The following PAK5 variants were observed in gnomAD, a reference collection of about 807,000 sequenced individuals.
PAK5 encodes the protein p21 (RAC1) activated kinase 5.
A neutral mutation model predicts 65.9 loss-of-function variants in PAK5; 16 were observed. The ratio of observed to expected loss-of-function variants is 0.24; its 90% CI spans 0.16 to 0.37. The LOEUF is 0.37. Ranked by LOEUF, PAK5 falls within the 10% of genes least tolerant of loss-of-function variation. The pLI is 1.00. For synonymous variants in PAK5, 371 were observed against 354.9 expected (o/e 1.05, Z -0.51); for missense variants, 785 against 903.9 (o/e 0.87, Z 1.69).
At chr20:9,554,226 C>A (rs542776241) in intron 7 of PAK5, among the ~76,000 whole-genome samples, 1 of 152,328 alleles carries the variant, frequency 6.6e-6, no homozygotes, top group South Asian at 2.1e-4. Flanking sequence ...GACTCTAAAC[C>A]CCTGCCCCCT....
intron 1 of PAK5, among the ~76,000 whole-genome samples, chr20:9,823,479 C>T (rs1446165124): frequency 6.6e-6 from 1 of 152,160 alleles, no homozygotes; most frequent in Non-Finnish European, 1.5e-5. Context: ...TTCCCCCATA[C>T]TGTTCTCTTG....
intron 3 of PAK5, among the ~76,000 whole-genome samples, chr20:9,621,776 G>A (rs548521809): frequency 3.0e-4 from 46 of 152,302 alleles, no homozygotes; most frequent in Admixed American, 2.6e-4. Flanking sequence ...CTCATGCAGC[G>A]GGGCCTGCGG....
chr20:9,605,021 T>G (rs2046427159), intron 3 of PAK5, among the ~76,000 whole-genome samples: 1 of 152,212 alleles, frequency 6.6e-6, no homozygotes, highest in South Asian at 2.1e-4. Context: ...TGTGAGGAGA[T>G]TCCAGAAAGC....
chr20:9,732,207 T>A (rs1349128626), intron 1 of PAK5, among the ~76,000 whole-genome samples: 3 of 152,072 alleles, frequency 2.0e-5, no homozygotes, highest in Non-Finnish European at 4.4e-5. Context: ...AAAAAAGTTT[T>A]AACAGCTTAA....
In PAK5 at chr20:9,690,750, C is replaced by CTTT. The variant is rs112955560; in HGVS notation, c.-12+20533_-12+20535dup. On this transcript the variant is annotated intron_variant, in intron 2 of 9. Coordinates refer to ENST00000353224, the MANE Select transcript of PAK5 (RefSeq NM_177990.4). ...TCAGCATTTCTTTCTTTCTTTCTTT[C>CTTT]TTTTTTTTTTTTTTTTTTTTTGAGA... 1.4e-3 allele frequency among the ~76,000 whole-genome samples: 149 copies of CTTT among 103,910 alleles called. 2 individuals carry two copies. The South Asian group carries it at 0.019, about 13-fold the overall frequency. The allele number at this position is 103,910 out of a possible 152,430, so 68.2% of individuals were successfully genotyped here.
intron 1 of PAK5, among the ~76,000 whole-genome samples, chr20:9,730,977 C>T (rs1176496872): frequency 6.6e-6 from 1 of 152,128 alleles, no homozygotes; most frequent in African/African-American, 2.4e-5. Flanking sequence ...CAGTGAGGTC[C>T]AGTGAACACT....
At chr20:9,726,140 T>C (rs1048898912) in intron 1 of PAK5, among the ~76,000 whole-genome samples, 1 of 152,122 alleles carries the variant, frequency 6.6e-6, no homozygotes, top group Non-Finnish European at 1.5e-5. Context: ...CTCTCTGATT[T>C]TGTGATGTTT....
At chr20:9,558,598 G>C (rs372630339) in intron 6 of PAK5, among the ~76,000 whole-genome samples, 3 of 152,082 alleles carry the variant, frequency 2.0e-5, no homozygotes, top group Non-Finnish European at 4.4e-5. Flanking sequence ...CAGTTTTCAA[G>C]GCTGAGCTCA....
In PAK5 at chr20:9,733,306, G is replaced by A. The variant is rs557390470; in HGVS notation, c.-161-21871C>T. ...TATTCAGCTTTATTGAGGTATAATT[G>A]ATAATTTATGTATACATTGTGAATT... On this transcript the variant is annotated intron_variant, in intron 1 of 9. Transcript: ENST00000353224. Among the ~76,000 whole-genome samples the A allele has an allele frequency of 3.2e-4, 49 of 152,254 alleles. No individual in the cohort carries two copies. In the South Asian group the frequency reaches 1.0e-2, roughly 31 times the overall value.
At chr20:9,694,320 TTGTG>T (rs35457999) in intron 2 of PAK5, among the ~76,000 whole-genome samples, 38,811 of 148,156 alleles carry the variant, frequency 0.26, 5,874 homozygotes, top group African/African-American at 0.43. Flanking sequence ...GTGTGTGTGT[TTGTG>T]TGTGTGTGTG....
intron 3 of PAK5, among the ~76,000 whole-genome samples, chr20:9,609,825 G>A (rs932928962): frequency 6.6e-6 from 1 of 152,138 alleles, no homozygotes; most frequent in Non-Finnish European, 1.5e-5. Context: ...AAATTCAAAT[G>A]GATCCTCAAA....
At chr20:9,794,879 A>G (rs557040348) in intron 1 of PAK5, among the ~76,000 whole-genome samples, 1 of 152,106 alleles carries the variant, frequency 6.6e-6, no homozygotes, top group South Asian at 2.1e-4. Flanking sequence ...GATCCCCTGG[A>G]TGGCTTTTCT....
At chr20:9,822,957 A>G (rs1042397409) in intron 1 of PAK5, among the ~76,000 whole-genome samples, 3 of 152,212 alleles carry the variant, frequency 2.0e-5, no homozygotes, top group African/African-American at 4.8e-5. Flanking sequence ...TAATTTTGGC[A>G]GCCTTTCTGC....
chr20:9,552,858 C>T (rs2045450466), intron 7 of PAK5, among the ~76,000 whole-genome samples: 1 of 151,712 alleles, frequency 6.6e-6, no homozygotes, highest in Non-Finnish European at 1.5e-5. Context: ...GGTGCTAGGA[C>T]TACAGACAAA....
rs770242489 is a variant in PAK5 at position 9,539,464 on chromosome 20, AGTG to A, written c.2155_2157del (p.His719del). On this transcript the variant is annotated inframe_deletion, in exon 10 of 10. Coordinates refer to ENST00000353224, the MANE Select transcript of PAK5 (RefSeq NM_177990.4). ...TGCCACCTACACGAATCCTCTGCTC[AGTG>A]ATGCCTGTATTGTCTCATGAGGGGG... 7.4e-6 allele frequency: 12 copies of A among 1,613,790 alleles called. No homozygotes were observed. The highest frequency in any genetic ancestry group is 1.0e-5 in the Non-Finnish European group (12 of 1,179,754).
At chr20:9,563,535 C>T (rs1010166257) in intron 5 of PAK5, among the ~76,000 whole-genome samples, 2 of 152,064 alleles carry the variant, frequency 1.3e-5, no homozygotes, top group African/African-American at 4.8e-5. Flanking sequence ...GGTTGAACTT[C>T]AGAGATATTT....
At chr20:9,783,360 A>G (rs1248961447) in intron 1 of PAK5, among the ~76,000 whole-genome samples, 1 of 152,166 alleles carries the variant, frequency 6.6e-6, no homozygotes, top group Non-Finnish European at 1.5e-5. Context: ...TTATCAATCA[A>G]TCAAGAGAAT....
chr20:9,830,006 TGG>T (rs760788918), intron 1 of PAK5, among the ~76,000 whole-genome samples: 3 of 152,120 alleles, frequency 2.0e-5, no homozygotes, highest in Non-Finnish European at 4.4e-5. Flanking sequence ...CAACCCCCAC[TGG>T]GCCCAGGAGC....
intron 7 of PAK5, among the ~76,000 whole-genome samples, chr20:9,550,885 T>G (rs1451828093): frequency 6.6e-6 from 1 of 152,038 alleles, no homozygotes; most frequent in Non-Finnish European, 1.5e-5. Context: ...AGGAGGTGAA[T>G]GTATCAGCAT....
Sources: gnomAD v4.1 joint callset for allele counts (sites outside exome capture counted in the v4.1 genomes callset) on GRCh38, gnomAD v4.1.1 for gene constraint, MANE v1.5 for transcripts, NCBI Gene and HGNC (gene_info 2026-07-23, HGNC 2026-07-21) for gene names.